PPP2R1B: variants seen among roughly 807,000 people sequenced by gnomAD.
The protein encoded by PPP2R1B is protein phosphatase 2 scaffold subunit Abeta, also known as serine/threonine-protein phosphatase 2A 65 kDa regulatory subunit A beta isoform.
In PPP2R1B, 58 loss-of-function variants were observed where a neutral mutation model predicts 72.7. The observed-to-expected ratio is 0.80, with a 90% CI of 0.65 to 0.99. The LOEUF (loss-of-function observed/expected upper bound fraction) is 0.99. PPP2R1B is among the 50% of genes least tolerant of loss of function. The pLI is 0.00. For synonymous variants in PPP2R1B, 256 were observed against 264.6 expected (o/e 0.97, Z 0.32); for missense variants, 695 against 733.6 (o/e 0.95, Z 0.61).
intron 15 of PPP2R1B, chr11:111,727,188 G>A (rs1943999905): frequency 2.7e-6 from 2 of 734,704 alleles, no homozygotes; most frequent in East Asian, 5.3e-5. Flanking sequence ...GTGGGAAAAG[G>A]AGGCTGATGG....
chr11:111,704,124 G>A, the PPP2R1B span, among the ~76,000 whole-genome samples: 4 of 152,150 alleles, frequency 2.6e-5, no homozygotes, highest in East Asian at 1.9e-4. Context: ...CCTTTCCCCC[G>A]CCACGTAGCC....
downstream of PPP2R1B, chr11:111,723,676 C>T (rs757007217): frequency 6.2e-6 from 10 of 1,614,052 alleles, no homozygotes; most frequent in East Asian, 4.5e-5. Context: ...CCCTGAGCCC[C>T]GTCCTGGAGC....
chr11:111,723,788 C>T (rs748156863), downstream of PPP2R1B: 2 of 1,613,998 alleles, frequency 1.2e-6, no homozygotes, highest in Non-Finnish European at 1.7e-6. Context: ...TGCTCCTCCT[C>T]TGCCCACGCA....
chr11:111,747,720 T>C (rs1007125744), intron 11 of PPP2R1B, among the ~76,000 whole-genome samples: 1 of 152,132 alleles, frequency 6.6e-6, no homozygotes, highest in Non-Finnish European at 1.5e-5. Flanking sequence ...TGTAATAGAT[T>C]GAGTAAGAAA....
the PPP2R1B span, chr11:111,703,466 C>T: frequency 1.3e-6 from 2 of 1,572,530 alleles, no homozygotes; most frequent in Non-Finnish European, 1.7e-6. Context: ...CACTTAGCTA[C>T]TTGAAATTTC....
rs1944431406 is a variant in PPP2R1B at position 111,739,026 on chromosome 11, G to A, written c.*2570C>T. ...CAATCAGACAAATCCACACAGAACT[G>A]TAGTCTAAGCCAGGGGACCAGAAAA... On this transcript the variant is annotated 3_prime_UTR_variant, in exon 15 of 15. Transcript: ENST00000527614. The A allele has an allele frequency of 3.0e-6, 3 of 985,306 alleles. No individual in the cohort carries two copies. Among genetic ancestry groups the A allele is most frequent in the Non-Finnish European group, 3.6e-6 (3 of 829,934 alleles). 61.0% of individuals were successfully genotyped at this position (985,306 alleles called of 1,614,324 possible).
At chr11:111,757,533 T>C (rs1945168596) in intron 5 of PPP2R1B, among the ~76,000 whole-genome samples, 1 of 152,094 alleles carries the variant, frequency 6.6e-6, no homozygotes, top group East Asian at 1.9e-4. Flanking sequence ...TAATACATAT[T>C]TGTTAAAAAA....
At chr11:111,752,474 A>C in intron 9 of PPP2R1B, 142 bp from the exon 10 acceptor site, 2 of 769,250 alleles carry the variant, frequency 2.6e-6, no homozygotes, top group South Asian at 5.4e-5. Flanking sequence ...TAGTGAATAC[A>C]TAAATAACTC....
the PPP2R1B span, among the ~76,000 whole-genome samples, chr11:111,717,100 G>A: frequency 6.6e-6 from 1 of 151,872 alleles, no homozygotes; most frequent in East Asian, 1.9e-4. Context: ...GGATCACGAG[G>A]TCAGGAGATC....
the PPP2R1B span, chr11:111,720,408 A>T: frequency 6.9e-7 from 1 of 1,449,202 alleles, no homozygotes. Context: ...CAAGCTGGTT[A>T]TGCTTTGTAC....
chr11:111,743,033 AC>A (rs549181114), intron 12 of PPP2R1B, among the ~76,000 whole-genome samples: 2 of 152,042 alleles, frequency 1.3e-5, no homozygotes, highest in Non-Finnish European at 2.9e-5. Flanking sequence ...AGCTGGGACT[AC>A]AGGCATGCAC....
At position 111,760,844 on chromosome 11, in the gene PPP2R1B, T is replaced by G. The variant is rs782137234; in HGVS notation, c.514A>C (p.Asn172His). ...TGTCTGATTTCTGCTTTAACAGCAT[T>G]TGATGCCCTGGGATAGCAAACGCTG... ...LFSVCYPRAS[N>H]AVKAEIRQQF... The change falls in exon 4 of 15, where the codon AAT becomes CAT. Residue 172 changes from asparagine (N) to histidine (H), a missense_variant. Physicochemically the swap from Asn to His is moderately conservative, Grantham distance 68 (BLOSUM62 1). Transcript: ENST00000527614. 6.2e-7 allele frequency: 1 copy of G among 1,614,156 alleles called. No individual in the cohort carries two copies. The highest frequency in any genetic ancestry group is 1.1e-5 in the South Asian group (1 of 91,068).
the PPP2R1B span, chr11:111,703,092 C>A: frequency 1.1e-6 from 1 of 871,334 alleles, no homozygotes; most frequent in Non-Finnish European, 1.8e-6. Flanking sequence ...TTCTGCTTTC[C>A]AGTAGAGGAT....
At chr11:111,703,102 T>C in the PPP2R1B span, 12 of 984,614 alleles carry the variant, frequency 1.2e-5, no homozygotes, top group Non-Finnish European at 1.7e-5. Flanking sequence ...CAGTAGAGGA[T>C]ACAAAGATTA....
the PPP2R1B span, among the ~76,000 whole-genome samples, chr11:111,694,313 G>GT: frequency 6.6e-6 from 1 of 152,048 alleles, no homozygotes; most frequent in Non-Finnish European, 1.5e-5. Context: ...ATTCTCAATT[G>GT]TCTCTGGTTG....
At chr11:111,712,208 C>A in the PPP2R1B span, 1 of 1,613,240 alleles carries the variant, frequency 6.2e-7, no homozygotes, top group Non-Finnish European at 8.5e-7. Flanking sequence ...GCCATATTTA[C>A]AGGCACAGAC....
At chr11:111,720,444 C>T in the PPP2R1B span, 76 of 1,556,160 alleles carry the variant, frequency 4.9e-5, no homozygotes, top group Admixed American at 1.1e-4. Flanking sequence ...GATGCTATTG[C>T]TGTTGGTTTT....
the PPP2R1B span, among the ~76,000 whole-genome samples, chr11:111,714,277 CA>C: frequency 6.6e-6 from 1 of 152,196 alleles, no homozygotes; most frequent in African/African-American, 2.4e-5. Context: ...AGGAGGTTAG[CA>C]TTAAATGGCA....
the PPP2R1B span, chr11:111,720,087 CAACACCTA>C: frequency 9.7e-6 from 13 of 1,341,004 alleles, 1 homozygote; most frequent in Non-Finnish European, 1.4e-5. Flanking sequence ...CGATGCCAGC[CAACACCTA>C]AAATTGAGTC....
Sources: gnomAD v4.1 joint callset for allele counts (sites outside exome capture counted in the v4.1 genomes callset) on GRCh38, gnomAD v4.1.1 for gene constraint, MANE v1.5 for transcripts, NCBI Gene and HGNC (gene_info 2026-07-23, HGNC 2026-07-21) for gene names.